Variants in CPS1 observed in about 807,000 individuals in gnomAD.
The protein encoded by CPS1 is carbamoyl-phosphate synthase 1, also known as carbamoyl-phosphate synthase [ammonia], mitochondrial.
In CPS1, 109 loss-of-function variants were observed where a neutral mutation model predicts 174.6. The observed-to-expected ratio is 0.62, with a 90% CI of 0.53 to 0.73. The LOEUF (loss-of-function observed/expected upper bound fraction) is 0.73, where lower values mean the gene tolerates loss of function less well. CPS1 is among the 30% of genes least tolerant of loss of function. The probability of loss-of-function intolerance (pLI) is 0.00; values close to 1 mark genes in which losing one functional copy is unlikely to be tolerated. For synonymous variants in CPS1, 637 were observed against 632.0 expected (o/e 1.01, Z -0.12); for missense variants, 1,689 against 1,821.9 (o/e 0.93, Z 1.33).
intron 27 of CPS1, among the ~76,000 whole-genome samples, chr2:210,649,543 T>C (rs1700497966): frequency 6.6e-6 from 1 of 152,174 alleles, no homozygotes; most frequent in Non-Finnish European, 1.5e-5. Flanking sequence ...TTGATTGACT[T>C]TCTATAATGT....
chr2:210,677,785 C>A (rs1348307109), intron 37 of CPS1, 102 bp from the exon 38 acceptor site: 2 of 933,600 alleles, frequency 2.1e-6, no homozygotes, highest in Non-Finnish European at 3.6e-6. Context: ...ATCCCATACC[C>A]CTTTGAAAAC....
At chr2:210,656,503 C>CTTTT in intron 29 of CPS1, 22 bp from the exon 30 acceptor site, 1 of 1,253,846 alleles carries the variant, frequency 8.0e-7, no homozygotes, top group Admixed American at 2.0e-5. Flanking sequence ...TTCTAAAATC[C>CTTTT]TTTTTTTTTT....
At chr2:210,543,447 C>T (rs891689862) in intron 1 of CPS1, among the ~76,000 whole-genome samples, 1 of 151,936 alleles carries the variant, frequency 6.6e-6, no homozygotes, top group African/African-American at 2.4e-5. Context: ...AGCTCAAAGC[C>T]TTCACATATG....
At chr2:210,576,220 A>G in intron 2 of CPS1, 126 bp from the exon 3 acceptor site, 2 of 1,076,548 alleles carry the variant, frequency 1.9e-6, no homozygotes, top group South Asian at 2.5e-5. Flanking sequence ...GTACGTTAAA[A>G]TCTAGAGACA....
intron 1 of CPS1, among the ~76,000 whole-genome samples, chr2:210,498,062 A>G (rs1695046221): frequency 6.6e-6 from 1 of 151,632 alleles, no homozygotes; most frequent in Admixed American, 6.6e-5. Flanking sequence ...TTTTCTTCAC[A>G]GCCTCGCCAG....
intron 27 of CPS1, among the ~76,000 whole-genome samples, chr2:210,648,965 T>G (rs926133413): frequency 2.0e-5 from 3 of 152,192 alleles, no homozygotes; most frequent in African/African-American, 4.8e-5. Flanking sequence ...GAGATCCGAT[T>G]GTTTAATAGA....
intron 32 of CPS1, among the ~76,000 whole-genome samples, chr2:210,660,916 G>A (rs1700898750): frequency 6.6e-6 from 1 of 152,152 alleles, no homozygotes; most frequent in Non-Finnish European, 1.5e-5. Context: ...TAAGCTTTTT[G>A]TGCAGCTGAC....
intron 1 of CPS1, among the ~76,000 whole-genome samples, chr2:210,512,879 G>GATATATATATGGAT (rs1695547705): frequency 1.4e-5 from 1 of 70,360 alleles, no homozygotes; most frequent in African/African-American, 7.0e-5. Flanking sequence ...TATATATAGA[G>GATATATATATGGAT]ATATATATAT....
intron 1 of CPS1, among the ~76,000 whole-genome samples, chr2:210,569,954 T>C (rs967256954): frequency 7.5e-5 from 11 of 146,002 alleles, no homozygotes; most frequent in Non-Finnish European, 1.6e-4. Flanking sequence ...GGACTGAGGA[T>C]ACTAAAATAT....
At chr2:210,571,748 T>C (rs548960725) in intron 1 of CPS1, among the ~76,000 whole-genome samples, 1 of 152,084 alleles carries the variant, frequency 6.6e-6, no homozygotes, top group Non-Finnish European at 1.5e-5. Flanking sequence ...AATAACGGGC[T>C]TTCTTCATTT....
At chr2:210,513,798 T>C (rs1333014932) in intron 1 of CPS1, among the ~76,000 whole-genome samples, 1 of 152,102 alleles carries the variant, frequency 6.6e-6, no homozygotes, top group African/African-American at 2.4e-5. Context: ...TTAGGCTTTC[T>C]TCTAGGATTC....
At chr2:210,499,301 C>T (rs1391743998) in intron 1 of CPS1, among the ~76,000 whole-genome samples, 1 of 152,070 alleles carries the variant, frequency 6.6e-6, no homozygotes, top group African/African-American at 2.4e-5. Flanking sequence ...GTTGGGCCAC[C>T]CAGAAATGAT....
Position 210,608,462 on chromosome 2 carries a change from G to T in CPS1, c.2294G>T (p.Ser765Ile). 2 of 1,612,522 alleles carry T rather than the reference G, an allele frequency of 1.2e-6. No homozygotes were observed. The highest frequency in any genetic ancestry group is 1.7e-6 in the Non-Finnish European group (2 of 1,179,002). ...SGKTSACFEP[S>I]LDYMVTKIPR... ...AAGACATCAGCCTGTTTTGAACCTA[G>T]CCTGGATTACATGGTCACCAAGATT... is the stretch of plus-strand genomic sequence containing the variant. The change falls in exon 19 of 38, where the codon AGC (serine) becomes ATC (isoleucine). Residue 765 changes from serine (S) to isoleucine (I), a missense_variant. Ser to Ile is a moderately radical substitution (Grantham distance 142, BLOSUM62 -2). Transcript: ENST00000233072.
At chr2:210,624,836 CAT>C (rs1447341944) in intron 21 of CPS1, among the ~76,000 whole-genome samples, 2 of 151,938 alleles carry the variant, frequency 1.3e-5, no homozygotes, top group African/African-American at 4.8e-5. Flanking sequence ...TCAGATGACT[CAT>C]AAAGTGCCTA....
chr2:210,637,028 G>A (rs1700061007), intron 21 of CPS1, among the ~76,000 whole-genome samples: 1 of 152,192 alleles, frequency 6.6e-6, no homozygotes, highest in Non-Finnish European at 1.5e-5. Flanking sequence ...GGACACCTAG[G>A]TGAAGATGAT....
At position 210,648,111 on chromosome 2, in the gene CPS1, C is replaced by G; in HGVS notation, c.3336+54C>G. 4 of 1,546,806 alleles carry G rather than the reference C, an allele frequency of 2.6e-6. No individual in the cohort carries two copies. The South Asian group carries it at 4.5e-5, about 17-fold the overall frequency. ...AATGTTCTATTTTGAAGAGCTGCAA[C>G]CTGAATGTTGACTGAATGTTGACTA... On this transcript the variant is annotated intron_variant, in intron 26 of 37. Transcript: ENST00000233072.
upstream of CPS1, among the ~76,000 whole-genome samples, chr2:210,553,546 G>C (rs1022607930): frequency 1.6e-5 from 2 of 125,764 alleles, no homozygotes; most frequent in Non-Finnish European, 3.5e-5. Context: ...TGATGACCTG[G>C]CTCACAAAGA....
intron 28 of CPS1, among the ~76,000 whole-genome samples, chr2:210,651,077 G>A (rs1700544531): frequency 6.6e-6 from 1 of 151,918 alleles, no homozygotes; most frequent in Non-Finnish European, 1.5e-5. Flanking sequence ...TACCCAGTGG[G>A]GTTATTGATC....
intron 25 of CPS1, among the ~76,000 whole-genome samples, chr2:210,642,906 C>A (rs1700273534): frequency 6.6e-6 from 1 of 152,136 alleles, no homozygotes; most frequent in Non-Finnish European, 1.5e-5. Context: ...TTTACATTTT[C>A]TTTCTAAGGG....
Sources: gnomAD v4.1 joint callset for allele counts (sites outside exome capture counted in the v4.1 genomes callset) on GRCh38, gnomAD v4.1.1 for gene constraint, MANE v1.5 for transcripts, NCBI Gene and HGNC (gene_info 2026-07-23, HGNC 2026-07-21) for gene names.